Variants in BEND7 observed in about 807,000 individuals in gnomAD.
BEND7 encodes the protein BEN domain containing 7.
In BEND7, 28 loss-of-function variants were observed where a neutral mutation model predicts 50.9. The ratio of observed to expected loss-of-function variants is 0.55; its 90% CI spans 0.41 to 0.75. The LOEUF is 0.75. BEND7 is among the 30% of genes least tolerant of loss of function. The pLI, the probability that BEND7 is intolerant of heterozygous loss-of-function variation, is 0.00. For synonymous variants in BEND7, 170 were observed against 183.9 expected (o/e 0.92, Z 0.61); for missense variants, 477 against 491.3 (o/e 0.97, Z 0.28).
chr10:13,500,126 G>C, intron 2 of BEND7, 46 bp from the exon 3 acceptor site: 1 of 1,412,418 alleles, frequency 7.1e-7, no homozygotes, highest in Non-Finnish European at 9.6e-7. Context: ...TAGTGAAAGA[G>C]AAAACAGTTC....
chr10:13,506,763 TGGAG>T (rs1412069754), intron 2 of BEND7, among the ~76,000 whole-genome samples: 1 of 131,526 alleles, frequency 7.6e-6, no homozygotes, highest in Non-Finnish European at 1.7e-5. Flanking sequence ...TGGAGCGAGA[TGGAG>T]AGAGAGAGAG....
intron 8 of BEND7, chr10:13,443,081 T>C (rs1025556714): frequency 1.3e-5 from 2 of 152,216 alleles, no homozygotes; most frequent in South Asian, 2.1e-4. Context: ...TTCTTTATAA[T>C]GGACAATGAA....
Position 13,441,640 on chromosome 10 carries a change from A to G in BEND7, c.*103T>C, listed in dbSNP as rs1835341155. The G allele has an allele frequency of 6.3e-7, 1 of 1,589,248 alleles. No homozygotes were observed. Among genetic ancestry groups the G allele is most frequent in the Non-Finnish European group, 8.5e-7 (1 of 1,169,796 alleles). ...TAACACGGCGAAAGGTCACCAATTA[A>G]TCTTCTCCCTTCCCTTGGGTAGTAG... On this transcript the variant is annotated 3_prime_UTR_variant, in exon 9 of 9. Transcript: ENST00000466271.
chr10:13,510,158 GA>G (rs1471472493), intron 2 of BEND7, among the ~76,000 whole-genome samples: 6 of 152,012 alleles, frequency 3.9e-5, no homozygotes, highest in African/African-American at 9.6e-5. Flanking sequence ...ACTAATGATG[GA>G]AAAATGGGCA....
At chr10:13,459,843 C>A (rs1839849125) in intron 6 of BEND7, 1 of 152,224 alleles carries the variant, frequency 6.6e-6, no homozygotes, top group African/African-American at 2.4e-5. Flanking sequence ...AAATGGGGGA[C>A]CAACCAAACA....
chr10:13,491,659 C>T (rs928643119), intron 5 of BEND7, among the ~76,000 whole-genome samples: 1 of 151,180 alleles, frequency 6.6e-6, no homozygotes, highest in South Asian at 2.1e-4. Flanking sequence ...TGATTTTTGT[C>T]CCCTCCCTTT....
intron 2 of BEND7, among the ~76,000 whole-genome samples, chr10:13,522,307 CCCTG>C (rs2079135342): frequency 6.6e-6 from 1 of 152,200 alleles, no homozygotes; most frequent in Non-Finnish European, 1.5e-5. Context: ...TCTAAAAGTG[CCCTG>C]CTAGCAGCTA....
At chr10:13,504,932 A>G (rs1242442215) in intron 2 of BEND7, among the ~76,000 whole-genome samples, 1 of 152,194 alleles carries the variant, frequency 6.6e-6, no homozygotes, top group African/African-American at 2.4e-5. Context: ...GTCTTGCAGG[A>G]TCTGATACAT....
At chr10:13,461,600 G>A (rs908380246) in intron 6 of BEND7, among the ~76,000 whole-genome samples, 5 of 152,128 alleles carry the variant, frequency 3.3e-5, no homozygotes, top group Non-Finnish European at 7.3e-5. Flanking sequence ...GGGCGTGGTG[G>A]TGCACACCTG....
chr10:13,457,849 C>G (rs558140072), intron 6 of BEND7, among the ~76,000 whole-genome samples: 1 of 152,310 alleles, frequency 6.6e-6, no homozygotes, highest in Admixed American at 6.5e-5. Flanking sequence ...GAGTTTTCTA[C>G]TATGTTAATA....
chr10:13,489,924 A>C (rs573575140), intron 5 of BEND7, among the ~76,000 whole-genome samples: 11 of 152,372 alleles, frequency 7.2e-5, no homozygotes, highest in South Asian at 4.1e-4. Flanking sequence ...ACATTTACTG[A>C]GTACCTTTTA....
chr10:13,517,267 T>C (rs2078751887), intron 2 of BEND7, among the ~76,000 whole-genome samples: 1 of 149,736 alleles, frequency 6.7e-6, no homozygotes, highest in Admixed American at 6.7e-5. Flanking sequence ...TGCAGAAGAG[T>C]GGTAAGCATG....
chr10:13,474,256 C>T (rs1336506944), intron 6 of BEND7, among the ~76,000 whole-genome samples: 2 of 152,008 alleles, frequency 1.3e-5, no homozygotes. Context: ...CGACACCCAT[C>T]ATCGCCGTTG....
In BEND7 at chr10:13,448,525, C is replaced by G. The variant is rs866802233; in HGVS notation, c.1184-1209G>C. Among the ~76,000 whole-genome samples the G allele has an allele frequency of 2.6e-5, 4 of 152,172 alleles. 1 individual carries two copies. Among genetic ancestry groups the G allele is most frequent in the Middle Eastern group, 3.2e-3 (1 of 316 alleles). On this transcript the variant is annotated intron_variant, in intron 7 of 8. Coordinates refer to ENST00000466271, the MANE Select transcript of BEND7 (RefSeq NM_001369863.1). ...TGCTTTAAACATAATCAGGGCTTAGCTACGGCTAGAAATATTGTATGGCTC... is the reference window on the plus strand; with the variant it reads ...TGCTTTAAACATAATCAGGGCTTAGGTACGGCTAGAAATATTGTATGGCTC...
chr10:13,511,635 C>A (rs1204633226), intron 2 of BEND7, among the ~76,000 whole-genome samples: 1 of 152,104 alleles, frequency 6.6e-6, no homozygotes, highest in African/African-American at 2.4e-5. Flanking sequence ...TCTTGAAACT[C>A]ATTACAAGTC....
In BEND7 at chr10:13,485,520, A is replaced by G. The variant is rs1478821122; in HGVS notation, c.838-4396T>C. ...TGGCTCAGGACCAAAAGCTGAAAGAAAACTACAGATGAAGAGGCAGGATCC... is the reference window on the plus strand; with the variant it reads ...TGGCTCAGGACCAAAAGCTGAAAGAGAACTACAGATGAAGAGGCAGGATCC... On this transcript the variant is annotated intron_variant, in intron 5 of 8. Transcript: ENST00000466271. 2.0e-5 allele frequency among the ~76,000 whole-genome samples: 3 copies of G among 152,202 alleles called. No individual in the cohort carries two copies. The East Asian group carries it at 5.8e-4, about 29-fold the overall frequency.
chr10:13,519,815 G>C (rs2078961767), intron 2 of BEND7, among the ~76,000 whole-genome samples: 1 of 152,234 alleles, frequency 6.6e-6, no homozygotes, highest in Non-Finnish European at 1.5e-5. Context: ...ACCGATAGGA[G>C]AGACAGGATT....
chr10:13,488,742 C>T (rs1288753023), intron 5 of BEND7, among the ~76,000 whole-genome samples: 1 of 152,230 alleles, frequency 6.6e-6, no homozygotes, highest in Non-Finnish European at 1.5e-5. Flanking sequence ...CCGCCTTGGC[C>T]TCCCAAAGTG....
At chr10:13,451,658 G>A (rs1176986832) in intron 7 of BEND7, among the ~76,000 whole-genome samples, 5 of 151,578 alleles carry the variant, frequency 3.3e-5, no homozygotes, top group South Asian at 2.1e-4. Flanking sequence ...TGTGCACAAC[G>A]TGCAGGTTTG....
Sources: gnomAD v4.1 joint callset for allele counts (sites outside exome capture counted in the v4.1 genomes callset) on GRCh38, gnomAD v4.1.1 for gene constraint, MANE v1.5 for transcripts, NCBI Gene and HGNC (gene_info 2026-07-23, HGNC 2026-07-21) for gene names.